The following MYH2 variants were observed in gnomAD, a reference collection of about 807,000 sequenced individuals.
MYH2 encodes myosin heavy chain 2.
In MYH2, 139 loss-of-function variants were observed where a neutral mutation model predicts 228.1. The observed-to-expected ratio is 0.61, with a 90% CI of 0.53 to 0.70. The LOEUF is 0.70. MYH2 is among the 30% of genes least tolerant of loss of function. MYH2 has a pLI of 0.00. For synonymous variants in MYH2, 796 were observed against 871.1 expected (o/e 0.91, Z 1.52); for missense variants, 1,809 against 2,357.5 (o/e 0.77, Z 4.82).
rs777974735 is a variant in MYH2 at position 10,547,495 on chromosome 17, A to G, written c.328T>C (p.Tyr110His). 6.2e-7 allele frequency: 1 copy of G among 1,614,170 alleles called. No homozygotes were observed. Among genetic ancestry groups the G allele is most frequent in the Non-Finnish European group, 8.5e-7 (1 of 1,180,028 alleles). Residue 110 changes from tyrosine to histidine, a missense_variant, in exon 4 of 40, where the codon TAT (tyrosine) becomes CAT (histidine). By Grantham distance (83) the Tyr-to-His change is moderately conservative. Transcript: ENST00000245503. ...CTCACGTAGATCATCCAGGCTGCAT[A>G]ACGTTCTTTGAGGTTGTACAGCACA... ...PAVLYNLKERYAAWMIYTYSG... is the reference protein window; with the variant it reads ...PAVLYNLKERHAAWMIYTYSG...
At chr17:10,536,879 T>C (rs1351222442) in intron 16 of MYH2, among the ~76,000 whole-genome samples, 1 of 152,234 alleles carries the variant, frequency 6.6e-6, no homozygotes, top group African/African-American at 2.4e-5. Flanking sequence ...TCAAAAATCA[T>C]CAATAGAAGC....
At chr17:10,528,485 G>A (rs1411687823) in intron 27 of MYH2, among the ~76,000 whole-genome samples, 7 of 152,058 alleles carry the variant, frequency 4.6e-5, no homozygotes, top group South Asian at 4.2e-4. Flanking sequence ...TATTAATGGC[G>A]TGATGGGTCA....
Position 10,540,655 on chromosome 17 carries a change from A to G in MYH2, c.947T>C (p.Val316Ala). The change falls in exon 11 of 40, where the codon GTC becomes GCC. Residue 316 changes from valine to alanine, a missense_variant. Physicochemically the swap from Val to Ala is moderately conservative, Grantham distance 64. Around this residue, in one of 9 missense-constraint regions of MYH2, gnomAD observed 373 missense variants for 620.4 expected, o/e 0.60. Transcript: ENST00000245503. ...GGCCACACTGATCTCCCCTTGACTGACAAATGGGTAATCATATGGGTTCGT... is the reference window on the plus strand; with the variant it reads ...GGCCACACTGATCTCCCCTTGACTGGCAAATGGGTAATCATATGGGTTCGT... ...ITTNPYDYPFVSQGEISVASI... is the reference protein window; with the variant it reads ...ITTNPYDYPFASQGEISVASI... The G allele has an allele frequency of 6.2e-7, 1 of 1,613,742 alleles. No individual in the cohort carries two copies. The highest frequency in any genetic ancestry group is 8.5e-7 in the Non-Finnish European group (1 of 1,179,628).
At chr17:10,547,439 G>A (rs1233201907) in intron 4 of MYH2, 36 bp downstream of exon 4, 1 of 1,613,048 alleles carries the variant, frequency 6.2e-7, no homozygotes, top group South Asian at 1.1e-5. Context: ...GGGTACATGA[G>A]GATGATTATA....
Position 10,533,379 on chromosome 17 carries a change from G to T in MYH2, c.2347C>A (p.Arg783=), listed in dbSNP as rs762121316. 9.3e-6 allele frequency: 15 copies of T among 1,613,958 alleles called. No individual in the cohort carries two copies. The African/African-American group carries it at 1.3e-4, about 14-fold the overall frequency. ...AGLLGLLEEM[R]DDKLAQLITR... ...ATCAGCTGGGCCAGCTTGTCATCTC[G>T]CATCTCCTCTAGGAGCCCCAGAAGA... Residue 783 remains arginine (R), a synonymous_variant, in exon 21 of 40, where the codon CGA becomes AGA. Transcript: ENST00000245503.
In MYH2 at chr17:10,540,679, G is replaced by A. The variant is rs2073541339; in HGVS notation, c.923C>T (p.Thr308Met). 4.3e-6 allele frequency: 7 copies of A among 1,610,526 alleles called. No individual in the cohort carries two copies. Among genetic ancestry groups the A allele is most frequent in the South Asian group, 2.2e-5 (2 of 91,002 alleles). ...GACAAATGGGTAATCATATGGGTTC[G>A]TGGTAATCAGAAGCATTTCTAAGTA... ...PELIEMLLIT[T>M]NPYDYPFVSQ... The change falls in exon 11 of 40, where the codon ACG becomes ATG. Residue 308 changes from threonine to methionine, a missense_variant. By Grantham distance (81) the Thr-to-Met change is moderately conservative (BLOSUM62 -1). This residue lies in a region of MYH2 where 373 missense variants were observed against 620.4 expected (regional missense o/e 0.60). Transcript: ENST00000245503.
Position 10,524,380 on chromosome 17 carries a change from G to C in MYH2, c.5175+86C>G, listed in dbSNP as rs2073321568. The C allele has an allele frequency of 6.6e-7, 1 of 1,526,648 alleles. No individual in the cohort carries two copies. The highest frequency in any genetic ancestry group is 2.3e-5 in the East Asian group (1 of 44,400). 94.6% of individuals were successfully genotyped at this position (1,526,648 alleles called of 1,614,324 possible). On this transcript the variant is annotated intron_variant, in intron 35 of 39. Transcript: ENST00000245503. The surrounding 1 kb of genome is among the most constrained non-coding windows in gnomAD (Gnocchi z 4.7). ...AAAAGAAAATTTGATAGACATATTA[G>C]GTCTAGCTGTCTTATGAAAACTCAG...
chr17:10,546,269 A>ATATATATATATATATATATATATG (rs1177097629), intron 4 of MYH2, among the ~76,000 whole-genome samples: 1 of 96,018 alleles, frequency 1.0e-5, no homozygotes, highest in Non-Finnish European at 2.6e-5. Flanking sequence ...ATATATATAT[A>ATATATATATATATATATATATATG]TATATATATA....
intron 38 of MYH2, 47 bp from the exon 39 acceptor site, chr17:10,523,232 A>G (rs1265369194): frequency 6.2e-7 from 1 of 1,603,946 alleles, no homozygotes. Context: ...AAAGCACATG[A>G]CTATTGCATC....
Position 10,529,155 on chromosome 17 carries a change from T to C in MYH2, c.3354+7A>G. On this transcript the variant is annotated splice_region_variant and intron_variant, in intron 26 of 39. Transcript: ENST00000245503. ...CCGAGCCAGACTGATGAAAATCATG[T>C]ACTTACTTGCAATTCTTTAATTTTC... is the stretch of plus-strand genomic sequence containing the variant. The C allele has an allele frequency of 6.2e-7, 1 of 1,614,252 alleles. No individual in the cohort carries two copies. The highest frequency in any genetic ancestry group is 8.5e-7 in the Non-Finnish European group (1 of 1,180,040).
rs369185546 is a variant in MYH2, at chr17:10,543,888, A to G, written c.648+14T>C. 6.8e-6 allele frequency: 11 copies of G among 1,614,076 alleles called. No homozygotes were observed. The highest frequency in any genetic ancestry group is 9.3e-6 in the Non-Finnish European group (11 of 1,180,022). ...CGACAGAGTCTGGATTCTGACTGTG[A>G]CAATCAGACTCACCTGTATTTTGCC... On this transcript the variant is annotated intron_variant, in intron 7 of 39. Transcript: ENST00000245503.
At chr17:10,540,535 C>T in intron 11 of MYH2, 59 bp downstream of exon 11, 2 of 1,373,420 alleles carry the variant, frequency 1.5e-6, no homozygotes, top group African/African-American at 1.4e-5. Flanking sequence ...GAATATTTAT[C>T]TGGATCACCA....
chr17:10,547,039 C>G (rs550340150), intron 4 of MYH2, among the ~76,000 whole-genome samples: 1 of 151,808 alleles, frequency 6.6e-6, no homozygotes, highest in South Asian at 2.1e-4. Context: ...TGCAGTGAGC[C>G]GAGATCGCAC....
At chr17:10,535,801 A>G (rs2073476138) in intron 17 of MYH2, among the ~76,000 whole-genome samples, 1 of 152,124 alleles carries the variant, frequency 6.6e-6, no homozygotes, top group African/African-American at 2.4e-5. Flanking sequence ...AGCTCTATCA[A>G]TTTTTAGGGG....
chr17:10,537,992 A>G lies in MYH2; in HGVS notation c.1417-157T>C, dbSNP rs2073503327. 2 of 1,393,790 alleles carry G rather than the reference A, an allele frequency of 1.4e-6. No homozygotes were observed. Among genetic ancestry groups the G allele is most frequent in the African/African-American group, 1.4e-5 (1 of 69,072 alleles). 86.3% of individuals were successfully genotyped at this position (1,393,790 alleles called of 1,614,324 possible). On this transcript the variant is annotated intron_variant, in intron 14 of 39. Coordinates refer to ENST00000245503, the MANE Select transcript of MYH2 (RefSeq NM_017534.6). This position sits in a 1 kb window ranked among gnomAD's most constrained non-coding sequence, Gnocchi z 4.0. ...GACTTTGAAATAAAAGGTGAAAAGT[A>G]TGGAAGGTTTGAGGGCATGTGGAAG...
rs748252077 is a variant in MYH2 at position 10,524,535 on chromosome 17, C to T, written c.5106G>A (p.Glu1702=). Residue 1702 remains glutamate, a synonymous_variant, in exon 35 of 40, where the codon GAG becomes GAA. Transcript: ENST00000245503. This position sits in a 1 kb window ranked among gnomAD's most constrained non-coding sequence, Gnocchi z 4.7. ...EELRATLEQT[E]RSRKIAEQEL... The stretch of plus-strand genomic sequence containing the variant: ...CCTGTTCTGCGATTTTTCTGCTCCT[C>T]TCTGTCTGTTCCAGAGTGGCCCGCA... 1.2e-6 allele frequency: 2 copies of T among 1,614,230 alleles called. No homozygotes were observed. The highest frequency in any genetic ancestry group is 2.2e-5 in the South Asian group (2 of 91,086).
rs756201922 is a variant in MYH2, at chr17:10,526,673, G to T, written c.4113C>A (p.Asn1371Lys). The T allele has an allele frequency of 1.9e-6, 3 of 1,614,052 alleles. No homozygotes were observed. Among genetic ancestry groups the T allele is most frequent in the Non-Finnish European group, 2.5e-6 (3 of 1,179,908 alleles). ...AELQRALSKA[N>K]TEVAQWRTKY... The stretch of plus-strand genomic sequence containing the variant: ...TGGTCCTCCATTGGGCAACCTCGGT[G>T]TTGGCCTTGGACAGTGCTCTCTGCA... The change falls in exon 30 of 40, where the codon AAC becomes AAA. Residue 1371 changes from asparagine to lysine, a missense_variant. Asn to Lys is a moderately conservative substitution (Grantham distance 94). Around this residue, in one of 9 missense-constraint regions of MYH2, gnomAD observed 636 missense variants for 729.9 expected, o/e 0.87. Coordinates refer to ENST00000245503, the MANE Select transcript of MYH2 (RefSeq NM_017534.6).
chr17:10,549,184 G>A (rs2073670914), intron 2 of MYH2, among the ~76,000 whole-genome samples, 191 bp downstream of exon 2: 1 of 152,166 alleles, frequency 6.6e-6, no homozygotes, highest in Admixed American at 6.5e-5. Flanking sequence ...CCCCACCAAT[G>A]CTTGAGCCGT....
At position 10,533,293 on chromosome 17, in the gene MYH2, C is replaced by T. The variant is rs760875686; in HGVS notation, c.2433G>A (p.Val811=). 6.2e-7 allele frequency: 1 copy of T among 1,614,114 alleles called. No homozygotes were observed. The highest frequency in any genetic ancestry group is 8.5e-7 in the Non-Finnish European group (1 of 1,180,000). The change falls in exon 21 of 40, where the codon GTG becomes GTA. Residue 811 remains valine, a synonymous_variant. Transcript: ENST00000245503. ...AAACATATTTTTTATACCTTCTCTC[C>T]ACCATCCTCTGGTACTCCACTCTTG... ...FLARVEYQRM[V]ERREAIFCIQ...
Sources: gnomAD v4.1 joint callset for allele counts (sites outside exome capture counted in the v4.1 genomes callset) on GRCh38, gnomAD v4.1.1 for gene constraint, gnomAD v4.1.1 regional missense constraint, Gnocchi (gnomAD v3.1) non-coding constraint, MANE v1.5 for transcripts, NCBI Gene and HGNC (gene_info 2026-07-23, HGNC 2026-07-21) for gene names.